The following ARID1A variants were observed in gnomAD, a reference collection of about 807,000 sequenced individuals.
ARID1A encodes the protein AT-rich interaction domain 1A, also known as AT-rich interactive domain-containing protein 1A.
A neutral mutation model predicts 212.6 loss-of-function variants in ARID1A; 20 were observed. The observed-to-expected ratio is 0.09, with a 90% CI of 0.07 to 0.14. The LOEUF (loss-of-function observed/expected upper bound fraction) is 0.14, where lower values mean the gene tolerates loss of function less well. Ranked by LOEUF, ARID1A falls within the 10% of genes least tolerant of loss-of-function variation. ARID1A has a pLI of 1.00. For missense variants in ARID1A, 2,587 were observed against 3,059.0 expected (o/e 0.85, Z 3.64); for synonymous variants, 1,376 against 1,222.1 (o/e 1.13, Z -2.63).
chr1:26,711,955 G>A lies in ARID1A; in HGVS notation c.1137+14415G>A, dbSNP rs570172713. Among the ~76,000 whole-genome samples, 163 of 152,152 alleles carry A rather than the reference G, an allele frequency of 1.1e-3. 1 individual carries two copies. In the South Asian group the frequency reaches 0.017, roughly 16 times the overall value. On this transcript the variant is annotated intron_variant, in intron 1 of 19. Transcript: ENST00000324856. ...AAATCAGCCAGGCATGGTGATGCGC[G>A]CCTGTAGTCTCAGCTACGTGGGGGC...
rs41303629 is a variant in ARID1A, at chr1:26,731,130, A to C, written c.1351-22A>C. 0.071 allele frequency: 113,741 copies of C among 1,601,748 alleles called. 4,424 individuals carry two copies. The highest frequency in any genetic ancestry group is 0.081 in the Non-Finnish European group (94,562 of 1,169,088). The stretch of plus-strand genomic sequence containing the variant: ...CTCATGCAGGAGAGTCAGTGCTAAA[A>C]GTATATTTTCCTTTCCTACAGATTC... On this transcript the variant is annotated intron_variant, in intron 2 of 19. Transcript: ENST00000324856.
At chr1:26,712,566 C>G (rs1474839963) in intron 1 of ARID1A, among the ~76,000 whole-genome samples, 2 of 151,946 alleles carry the variant, frequency 1.3e-5, no homozygotes, top group African/African-American at 4.8e-5. Flanking sequence ...TGGCATGCAC[C>G]TATTGTCCCA....
intron 1 of ARID1A, among the ~76,000 whole-genome samples, chr1:26,701,267 G>C (rs1289684798): frequency 2.0e-5 from 3 of 152,140 alleles, no homozygotes; most frequent in Non-Finnish European, 4.4e-5. Flanking sequence ...TGTAAATATG[G>C]TAAAAATGTG....
At chr1:26,763,324 AAT>A in intron 8 of ARID1A, 39 bp downstream of exon 8, 1 of 1,537,762 alleles carries the variant, frequency 6.5e-7, no homozygotes. Context: ...AGTGCAAGAA[AAT>A]GTATTATAGA....
chr1:26,746,996 C>A (rs1200866922), intron 4 of ARID1A, among the ~76,000 whole-genome samples: 1 of 152,000 alleles, frequency 6.6e-6, no homozygotes, highest in East Asian at 1.9e-4. Flanking sequence ...AAGCCAAGAT[C>A]GCGCCACTGC....
At chr1:26,704,178 A>T (rs1372720912) in intron 1 of ARID1A, among the ~76,000 whole-genome samples, 1 of 152,198 alleles carries the variant, frequency 6.6e-6, no homozygotes, top group Non-Finnish European at 1.5e-5. Flanking sequence ...AAACTCCCTG[A>T]AAGAGTGGTT....
chr1:26,737,934 G>GGCATTGGTGTGGTTAGC (rs1397077862), intron 4 of ARID1A, among the ~76,000 whole-genome samples: 4 of 152,078 alleles, frequency 2.6e-5, no homozygotes, highest in African/African-American at 9.7e-5. Flanking sequence ...GTGGGGTTTG[G>GGCATTGGTGTGGTTAGC]GCATTGGTGT....
intron 4 of ARID1A, among the ~76,000 whole-genome samples, chr1:26,749,324 T>C (rs2080865002): frequency 6.6e-6 from 1 of 152,126 alleles, no homozygotes; most frequent in Admixed American, 6.5e-5. Context: ...AGGAGCACCT[T>C]CTCATCTATC....
At chr1:26,760,697 A>AAATT (rs1553151886) in intron 4 of ARID1A, among the ~76,000 whole-genome samples, 159 bp from the exon 5 acceptor site, 10 of 149,856 alleles carry the variant, frequency 6.7e-5, no homozygotes, top group African/African-American at 2.2e-4. Context: ...AAAAAAAAAA[A>AAATT]TTTTTTTTTT....
Position 26,779,491 on chromosome 1 carries a change from C to T in ARID1A, c.5593C>T (p.Leu1865=), listed in dbSNP as rs2124140726. The change falls in exon 20 of 20, where the codon CTG becomes TTG. Residue 1865 remains leucine, a synonymous_variant. Transcript: ENST00000324856. The part of the protein sequence containing the change: ...IQTHFESKTE[L]LPSRPHAPCP... ...GACCCACTTCGAGAGCAAGACAGAG[C>T]TGCTGCCTTCCCGGCCTCACGCACC... The T allele has an allele frequency of 1.9e-6, 3 of 1,614,130 alleles. No individual in the cohort carries two copies. The highest frequency in any genetic ancestry group is 2.5e-6 in the Non-Finnish European group (3 of 1,180,028).
intron 7 of ARID1A, 45 bp from the exon 8 acceptor site, chr1:26,762,928 T>C (rs2124067042): frequency 6.7e-7 from 1 of 1,486,496 alleles, no homozygotes; most frequent in Non-Finnish European, 9.1e-7. Flanking sequence ...TATTAGTGAG[T>C]TGCTAGTGAG....
intron 10 of ARID1A, 129 bp downstream of exon 10, chr1:26,766,695 C>T (rs2081042585): frequency 3.2e-6 from 3 of 943,734 alleles, no homozygotes; most frequent in South Asian, 1.8e-5. Flanking sequence ...TCTGAAAAAG[C>T]TGCTGTTGCC....
intron 3 of ARID1A, among the ~76,000 whole-genome samples, chr1:26,731,877 T>A (rs2080682007): frequency 1.3e-5 from 2 of 152,108 alleles, no homozygotes; most frequent in South Asian, 4.1e-4. Flanking sequence ...GGGACTGGTT[T>A]TTTTATTTTA....
At chr1:26,710,671 T>C (rs2080445173) in intron 1 of ARID1A, among the ~76,000 whole-genome samples, 1 of 152,054 alleles carries the variant, frequency 6.6e-6, no homozygotes, top group Non-Finnish European at 1.5e-5. Flanking sequence ...TGTCAATATG[T>C]TCTAACAAGT....
In ARID1A at chr1:26,706,848, C is replaced by T. The variant is rs568422448; in HGVS notation, c.1137+9308C>T. Among the ~76,000 whole-genome samples the T allele has an allele frequency of 4.6e-5, 7 of 152,350 alleles. No homozygotes were observed. In the South Asian group the frequency reaches 1.4e-3, roughly 32 times the overall value. ...AAGGTGTTGGAGTTCACAGGTTGAT[C>T]TAGCGTTATGTGAAACTCTTGGTAA... On this transcript the variant is annotated intron_variant, in intron 1 of 19. Coordinates refer to ENST00000324856, the MANE Select transcript of ARID1A (RefSeq NM_006015.6).
At chr1:26,706,151 C>A (rs1332405813) in intron 1 of ARID1A, among the ~76,000 whole-genome samples, 1 of 152,188 alleles carries the variant, frequency 6.6e-6, no homozygotes, top group Non-Finnish European at 1.5e-5. Context: ...GTGCCATGTG[C>A]CTTTTTTTCT....
chr1:26,780,195 C>T lies in ARID1A; in HGVS notation c.6297C>T (p.Ala2099=), dbSNP rs1331384055. ...GGGCAGTTTGCCCTTCAGCTGAAGC[C>T]CAGGACCCCTTTTCCACCCTGGGCC... is the stretch of plus-strand genomic sequence containing the variant. ...LHWAVCPSAE[A]QDPFSTLGPN... The change falls in exon 20 of 20, where the codon GCC becomes GCT. Residue 2099 remains alanine, a synonymous_variant. Transcript: ENST00000324856. The surrounding 1 kb of genome is among the most constrained non-coding windows in gnomAD (Gnocchi z 7.2). 5 of 1,614,156 alleles carry T rather than the reference C, an allele frequency of 3.1e-6. No homozygotes were observed. In the South Asian group the frequency reaches 5.5e-5, roughly 18 times the overall value.
At position 26,720,484 on chromosome 1, in the gene ARID1A, A is replaced by C. The variant is rs561128157; in HGVS notation, c.1138-9167A>C. The stretch of plus-strand genomic sequence containing the variant: ...CAAACAAGACTCCATCTCAAAAAAA[A>C]AAAAAAGGTACAACCTTAATTTATT... On this transcript the variant is annotated intron_variant, in intron 1 of 19. Coordinates refer to ENST00000324856, the MANE Select transcript of ARID1A (RefSeq NM_006015.6). Among the ~76,000 whole-genome samples the C allele has an allele frequency of 1.4e-4, 22 of 152,150 alleles. No individual in the cohort carries two copies. The East Asian group carries it at 3.9e-3, about 27-fold the overall frequency.
chr1:26,780,405 A>C lies in ARID1A; in HGVS notation c.6507A>C (p.Val2169=), dbSNP rs759649872. Reference sequence around the variant, plus strand: ...CGGTGTGCCGGGAGATGGCTGTGGTACTGCTGGCCAACCTGGCTCAGGGGG... The same window carrying C: ...CGGTGTGCCGGGAGATGGCTGTGGTCCTGCTGGCCAACCTGGCTCAGGGGG... ...KNPVCREMAV[V]LLANLAQGDS... Residue 2169 remains valine, a synonymous_variant, in exon 20 of 20, where the codon GTA becomes GTC. Coordinates refer to ENST00000324856, the MANE Select transcript of ARID1A (RefSeq NM_006015.6). The surrounding 1 kb of genome is among the most constrained non-coding windows in gnomAD (Gnocchi z 7.2). The C allele has an allele frequency of 1.2e-6, 2 of 1,614,092 alleles. No individual in the cohort carries two copies. The highest frequency in any genetic ancestry group is 3.3e-5 in the Admixed American group (2 of 60,010).
Sources: allele counts gnomAD v4.1 joint callset (sites outside exome capture counted in the v4.1 genomes callset), GRCh38; gene constraint gnomAD v4.1.1; non-coding constraint Gnocchi (gnomAD v3.1); transcripts MANE v1.5; gene names NCBI Gene and HGNC (gene_info 2026-07-23, HGNC 2026-07-21).